CDHR3: variants seen among roughly 807,000 people sequenced by gnomAD.
CDHR3 encodes the protein cadherin-related family member 3.
CDHR3 carries 79 observed loss-of-function variants against 86.6 expected under a neutral mutation model. The ratio of observed to expected loss-of-function variants is 0.91; its 90% CI spans 0.76 to 1.10. The LOEUF is 1.10. Ranked by LOEUF, CDHR3 falls within the 50% of genes least tolerant of loss-of-function variation. The pLI, the probability that CDHR3 is intolerant of heterozygous loss-of-function variation, is 0.00. For synonymous variants in CDHR3, 421 were observed against 402.4 expected (o/e 1.05, Z -0.55); for missense variants, 1,081 against 1,077.6 (o/e 1.00, Z -0.04).
In CDHR3 at chr7:106,016,840, C is replaced by T. The variant is rs150953989; in HGVS notation, c.1426+815C>T. ...TACCTTATCCAGTGAATAACAAATT[C>T]GAAAGGAATAGGCTTTCTGGGAATT... is the stretch of plus-strand genomic sequence containing the variant. On this transcript the variant is annotated intron_variant, in intron 11 of 18. Transcript: ENST00000317716. Among the ~76,000 whole-genome samples the T allele has an allele frequency of 1.9e-4, 29 of 152,234 alleles. No homozygotes were observed. In the East Asian group the frequency reaches 4.4e-3, roughly 23 times the overall value.
rs115947290 is a variant in CDHR3 at position 105,993,601 on chromosome 7, G to A, written c.514-1150G>A. ...TGAGATGCAAGTATCACTTGAGCCC[G>A]GGAGGCGGAGGCTGCAGTGAGCCAT... On this transcript the variant is annotated intron_variant, in intron 4 of 18. Coordinates refer to ENST00000317716, the MANE Select transcript of CDHR3 (RefSeq NM_152750.5). 2.6e-3 allele frequency among the ~76,000 whole-genome samples: 373 copies of A among 146,028 alleles called. 2 individuals carry two copies. The highest frequency in any genetic ancestry group is 9.1e-3 in the African/African-American group (360 of 39,706).
chr7:105,979,896 G>A (rs1026429383), intron 2 of CDHR3, among the ~76,000 whole-genome samples: 6 of 152,176 alleles, frequency 3.9e-5, no homozygotes, highest in Non-Finnish European at 2.9e-5. Flanking sequence ...GGGAGTCTGT[G>A]CCTATAGATA....
intron 6 of CDHR3, among the ~76,000 whole-genome samples, chr7:106,000,080 C>A (rs922701597): frequency 6.6e-6 from 1 of 152,258 alleles, no homozygotes; most frequent in Admixed American, 6.5e-5. Context: ...TGCCATCCCA[C>A]CTCTTTGGCC....
Position 106,015,036 on chromosome 7 carries a change from T to C in CDHR3, c.1225-75T>C, listed in dbSNP as rs1835371024. The C allele has an allele frequency of 3.3e-6, 4 of 1,198,148 alleles. No homozygotes were observed. The South Asian group carries it at 4.2e-5, about 13-fold the overall frequency. 74.2% of individuals were successfully genotyped at this position (1,198,148 alleles called of 1,614,324 possible). ...CCAATTTATATATCCACTAGCAGTA[T>C]ATGAAAATGTCTCTCGCAGCCCAAT... On this transcript the variant is annotated intron_variant, in intron 9 of 18. Coordinates refer to ENST00000317716, the MANE Select transcript of CDHR3 (RefSeq NM_152750.5).
At chr7:106,018,134 C>CCAGAGAG in intron 12 of CDHR3, 62 bp downstream of exon 12, 1 of 1,358,554 alleles carries the variant, frequency 7.4e-7, no homozygotes, top group Non-Finnish European at 1.0e-6. Context: ...GTCTCTCTGG[C>CCAGAGAG]ACCCCCAGAG....
chr7:105,972,470 T>C (rs776324370), intron 1 of CDHR3, among the ~76,000 whole-genome samples: 4 of 152,106 alleles, frequency 2.6e-5, no homozygotes, highest in Non-Finnish European at 5.9e-5. Flanking sequence ...ATGAGACAGA[T>C]TGCCAACTTT....
chr7:105,964,978 T>C (rs1233016944), intron 1 of CDHR3, among the ~76,000 whole-genome samples: 1 of 152,198 alleles, frequency 6.6e-6, no homozygotes, highest in Non-Finnish European at 1.5e-5. Flanking sequence ...TTATTGTCAC[T>C]GGGGAAAGAG....
Position 105,994,846 on chromosome 7 carries a change from G to C in CDHR3, c.608+1G>C, listed in dbSNP as rs1831938486. ...TGGACTTTGAAGCAGGACACAGAAG[G>C]TAGTCTTGCTATTGACCTTGCATGA... On this transcript the variant is annotated splice_donor_variant, in intron 5 of 18. Coordinates refer to ENST00000317716, the MANE Select transcript of CDHR3 (RefSeq NM_152750.5). LOFTEE classifies it high-confidence loss of function. The C allele has an allele frequency of 6.2e-7, 1 of 1,601,228 alleles. No homozygotes were observed. Among genetic ancestry groups the C allele is most frequent in the African/African-American group, 1.3e-5 (1 of 74,698 alleles).
At chr7:105,980,155 T>C (rs188592026) in intron 2 of CDHR3, among the ~76,000 whole-genome samples, 1 of 152,268 alleles carries the variant, frequency 6.6e-6, no homozygotes, top group Non-Finnish European at 1.5e-5. Flanking sequence ...CTTACGCAGA[T>C]GTATCTTTCA....
rs780791004 is a variant in CDHR3, at chr7:105,974,855, C to T, written c.58C>T (p.Leu20=). The T allele has an allele frequency of 3.7e-6, 6 of 1,613,274 alleles. No homozygotes were observed. The highest frequency in any genetic ancestry group is 4.2e-6 in the Non-Finnish European group (5 of 1,179,632). ...LLGAMSGGEA[L]HLILLPATGN... ...TTTTTACTCCACAGGGGGAGAAGCA[C>T]TACACCTAATCCTCTTACCTGCTAC... The change falls in exon 2 of 19, where the codon CTA becomes TTA. Residue 20 remains leucine (L), a synonymous_variant. Transcript: ENST00000317716.
intron 6 of CDHR3, among the ~76,000 whole-genome samples, chr7:105,996,733 C>T (rs957387195): frequency 5.3e-5 from 8 of 152,170 alleles, no homozygotes; most frequent in Non-Finnish European, 1.0e-4. Context: ...CTCCCTAACG[C>T]CCGCTCCTAG....
At chr7:105,970,555 G>T (rs1195270664) in intron 1 of CDHR3, among the ~76,000 whole-genome samples, 1 of 152,172 alleles carries the variant, frequency 6.6e-6, no homozygotes, top group Non-Finnish European at 1.5e-5. Flanking sequence ...ACCAAAGAAA[G>T]CCTGGAAGAC....
intron 8 of CDHR3, 79 bp downstream of exon 8, chr7:106,004,766 T>C: frequency 1.5e-6 from 2 of 1,348,836 alleles, no homozygotes; most frequent in African/African-American, 1.4e-5. Context: ...TGGTATATTC[T>C]CAGGAGAATT....
intron 2 of CDHR3, among the ~76,000 whole-genome samples, chr7:105,976,978 ATC>A (rs1310696976): frequency 7.2e-4 from 96 of 133,174 alleles, no homozygotes; most frequent in African/African-American, 2.6e-3. Context: ...CACATACCTG[ATC>A]TCTTTTTTTT....
At chr7:106,025,358 C>A (rs1837200543) in intron 15 of CDHR3, among the ~76,000 whole-genome samples, 1 of 152,162 alleles carries the variant, frequency 6.6e-6, no homozygotes, top group Non-Finnish European at 1.5e-5. Context: ...GAGCAAGTGA[C>A]CACCTCTGTG....
chr7:106,003,133 CAAAAAAA>C (rs35573554), intron 7 of CDHR3, among the ~76,000 whole-genome samples: 4 of 100,096 alleles, frequency 4.0e-5, no homozygotes, highest in African/African-American at 1.1e-4. Flanking sequence ...AAACCTGTCT[CAAAAAAA>C]AAAAAAAAAA....
rs146023078 is a variant in CDHR3 at position 106,032,621 on chromosome 7, G to A, written c.2582G>A (p.Gly861Asp). 1.7e-3 allele frequency: 2,792 copies of A among 1,613,862 alleles called. 49 individuals carry two copies. In the African/African-American group the frequency reaches 0.033, roughly 19 times the overall value. ...DAGLGSRNEG[G>D]KLGNPKNRNP... ...GGTCTGGGTTCCAGAAATGAGGGTG[G>A]CAAGCTGGGCAACCCAAAGAACAGA... is the stretch of plus-strand genomic sequence containing the variant. Residue 861 changes from glycine to aspartate, a missense_variant, in exon 19 of 19, where the codon GGC (glycine) becomes GAC (aspartate). Gly to Asp is a moderately conservative substitution (Grantham distance 94). Transcript: ENST00000317716.
chr7:106,020,034 CAT>C (rs1491165360), intron 12 of CDHR3, among the ~76,000 whole-genome samples: 3 of 147,094 alleles, frequency 2.0e-5, no homozygotes, highest in East Asian at 3.9e-4. Context: ...TGTCCAGGTG[CAT>C]GTGTGTGTGT....
chr7:105,998,225 CTTT>C (rs1245674466), intron 6 of CDHR3, among the ~76,000 whole-genome samples: 4 of 152,216 alleles, frequency 2.6e-5, no homozygotes, highest in Non-Finnish European at 2.9e-5. Flanking sequence ...ACGATAACTT[CTTT>C]AATTCAGGAT....
Sources: allele counts gnomAD v4.1 joint callset (sites outside exome capture counted in the v4.1 genomes callset), GRCh38; gene constraint gnomAD v4.1.1; transcripts MANE v1.5; gene names NCBI Gene and HGNC (gene_info 2026-07-23, HGNC 2026-07-21).